MAP1B: variants seen among roughly 807,000 people sequenced by gnomAD.
MAP1B encodes the protein microtubule associated protein 1B, also known as microtubule-associated protein 1B.
Under a neutral mutation model 176.1 loss-of-function variants are expected in MAP1B, and 12 were observed. The observed-to-expected ratio is 0.07, with a 90% CI of 0.04 to 0.11. MAP1B has a LOEUF of 0.11. Ranked by LOEUF, MAP1B falls within the 10% of genes least tolerant of loss-of-function variation. The probability of loss-of-function intolerance (pLI) is 1.00; values close to 1 mark genes in which losing one functional copy is unlikely to be tolerated. For missense variants in MAP1B, 2,523 were observed against 2,990.5 expected (o/e 0.84, Z 3.65); for synonymous variants, 1,044 against 1,135.0 (o/e 0.92, Z 1.61).
intron 4 of MAP1B, among the ~76,000 whole-genome samples, chr5:72,191,040 C>T (rs1004297734): frequency 6.6e-6 from 1 of 152,202 alleles, no homozygotes. Context: ...CTCCTTGTTG[C>T]ATCTGTCATC....
chr5:72,138,094 A>G (rs1745869557), intron 2 of MAP1B, among the ~76,000 whole-genome samples: 1 of 152,230 alleles, frequency 6.6e-6, no homozygotes, highest in African/African-American at 2.4e-5. Flanking sequence ...ACTTGCCCCA[A>G]ATATAAAAGT....
Position 72,196,259 on chromosome 5 carries a change from G to A in MAP1B, c.2904G>A (p.Lys968=), listed in dbSNP as rs373529318. 4 of 1,613,988 alleles carry A rather than the reference G, an allele frequency of 2.5e-6. No homozygotes were observed. The highest frequency in any genetic ancestry group is 2.2e-5 in the South Asian group (2 of 91,058). Residue 968 remains lysine (K), a synonymous_variant, in exon 5 of 7, where the codon AAG becomes AAA. Transcript: ENST00000296755. The surrounding 1 kb of genome is among the most constrained non-coding windows in gnomAD (Gnocchi z 5.3). ...GEEHVCVSAS[K]HSPTEDEESA... ...AACACGTATGTGTGAGCGCCTCCAA[G>A]CACAGCCCCACTGAGGATGAGGAAA...
intron 2 of MAP1B, among the ~76,000 whole-genome samples, chr5:72,183,227 A>G (rs1580012105): frequency 6.6e-6 from 1 of 152,028 alleles, no homozygotes; most frequent in African/African-American, 2.4e-5. Flanking sequence ...ATTAATGAAT[A>G]CTCCAACAGA....
At chr5:72,166,172 A>G (rs1369084402) in intron 2 of MAP1B, among the ~76,000 whole-genome samples, 1 of 152,210 alleles carries the variant, frequency 6.6e-6, no homozygotes, top group African/African-American at 2.4e-5. Flanking sequence ...CATCATGTAC[A>G]AGGTATATCC....
intron 2 of MAP1B, among the ~76,000 whole-genome samples, chr5:72,123,714 G>A (rs748363652): frequency 1.2e-4 from 19 of 152,108 alleles, no homozygotes; most frequent in Non-Finnish European, 1.2e-4. Context: ...TCGATCTCCT[G>A]ACCTCGTGAT....
chr5:72,108,284 C>A (rs888096148), intron 1 of MAP1B, among the ~76,000 whole-genome samples: 8 of 152,184 alleles, frequency 5.3e-5, no homozygotes, highest in Non-Finnish European at 1.5e-5. Context: ...CACGCCCGCT[C>A]CCCCCGCCCC....
chr5:72,204,469 A>C lies in MAP1B; in HGVS notation c.7252-615A>C, dbSNP rs1402589394. ...TTTATTTGTGGTTCTGTACAAAATT[A>C]CCTAGTAAATTGTGCTTGTATCATA... is the stretch of plus-strand genomic sequence containing the variant. On this transcript the variant is annotated intron_variant, in intron 6 of 6. Coordinates refer to ENST00000296755, the MANE Select transcript of MAP1B (RefSeq NM_005909.5). This position sits in a 1 kb window ranked among gnomAD's most constrained non-coding sequence, Gnocchi z 4.4. Among the ~76,000 whole-genome samples the C allele has an allele frequency of 3.9e-5, 6 of 152,230 alleles. No homozygotes were observed. The South Asian group carries it at 6.2e-4, about 16-fold the overall frequency.
At chr5:72,130,707 G>A (rs1352632999) in intron 2 of MAP1B, among the ~76,000 whole-genome samples, 1 of 152,206 alleles carries the variant, frequency 6.6e-6, no homozygotes, top group Non-Finnish European at 1.5e-5. Context: ...ACCGGGGGCA[G>A]AAAATCTGAG....
intron 5 of MAP1B, among the ~76,000 whole-genome samples, chr5:72,202,071 T>G (rs1258946715): frequency 6.6e-6 from 1 of 152,226 alleles, no homozygotes; most frequent in Non-Finnish European, 1.5e-5. Context: ...AAAGGCAAAG[T>G]AATAAGTGAA....
chr5:72,183,893 AAGGGCT>A (rs2112213201), intron 3 of MAP1B, 68 bp downstream of exon 3: 1 of 1,384,340 alleles, frequency 7.2e-7, no homozygotes, highest in East Asian at 2.3e-5. Context: ...AGTGGATTAG[AAGGGCT>A]GGGCAAATGG....
chr5:72,148,610 C>G (rs1013853523), intron 2 of MAP1B, among the ~76,000 whole-genome samples: 8 of 152,336 alleles, frequency 5.3e-5, no homozygotes, highest in African/African-American at 1.4e-4. Context: ...TTCTTCTGTT[C>G]ATCAGACTTG....
chr5:72,191,078 C>T (rs1028216012), intron 4 of MAP1B, among the ~76,000 whole-genome samples: 9 of 152,206 alleles, frequency 5.9e-5, no homozygotes, highest in Non-Finnish European at 1.0e-4. Context: ...GGGTAGCACT[C>T]AGTGTGGTTA....
intron 2 of MAP1B, among the ~76,000 whole-genome samples, chr5:72,170,070 A>C (rs1209470814): frequency 2.0e-5 from 3 of 152,228 alleles, no homozygotes; most frequent in African/African-American, 7.2e-5. Flanking sequence ...AACTGGCATG[A>C]ATATCTGATT....
At position 72,199,874 on chromosome 5, in the gene MAP1B, G is replaced by T. The variant is rs181405324; in HGVS notation, c.6519G>T (p.Thr2173=). Residue 2173 remains threonine, a synonymous_variant, in exon 5 of 7, where the codon ACG becomes ACT. Coordinates refer to ENST00000296755, the MANE Select transcript of MAP1B (RefSeq NM_005909.5). This position sits in a 1 kb window ranked among gnomAD's most constrained non-coding sequence, Gnocchi z 4.2. ...PPETEECPSI[T]ADANIDSEDE... The stretch of plus-strand genomic sequence containing the variant: ...AGACTGAAGAGTGCCCCTCCATCAC[G>T]GCCGATGCCAATATCGACTCTGAAG... 1 of 1,614,090 alleles carries T rather than the reference G, an allele frequency of 6.2e-7. No individual in the cohort carries two copies. The highest frequency in any genetic ancestry group is 1.7e-5 in the Admixed American group (1 of 60,010).
At chr5:72,108,250 G>A (rs1448438695) in intron 1 of MAP1B, among the ~76,000 whole-genome samples, 5 of 152,146 alleles carry the variant, frequency 3.3e-5, no homozygotes, top group Non-Finnish European at 7.3e-5. Context: ...TCTTTCCTCA[G>A]AATGACTAGG....
rs372722008 is a variant in MAP1B at position 72,196,960 on chromosome 5, C to T, written c.3605C>T (p.Ala1202Val). The change falls in exon 5 of 7, where the codon GCT becomes GTT. Residue 1202 changes from alanine (A) to valine (V), a missense_variant. By Grantham distance (64) the Ala-to-Val change is moderately conservative (BLOSUM62 0). Coordinates refer to ENST00000296755, the MANE Select transcript of MAP1B (RefSeq NM_005909.5). This position sits in a 1 kb window ranked among gnomAD's most constrained non-coding sequence, Gnocchi z 5.3. ...GCCACTGATGGCAAGGATTACAATG[C>T]TTCAGCCTCTACCATATCACCACCC... ...TDATDGKDYN[A>V]SASTISPPSS... 1.2e-6 allele frequency: 2 copies of T among 1,614,098 alleles called. No individual in the cohort carries two copies. The highest frequency in any genetic ancestry group is 2.7e-5 in the African/African-American group (2 of 74,942).
Position 72,194,510 on chromosome 5 carries a change from C to T in MAP1B, c.1155C>T (p.Leu385=), listed in dbSNP as rs772615663. 2.2e-5 allele frequency: 36 copies of T among 1,614,134 alleles called. 2 individuals carry two copies. The South Asian group carries it at 3.6e-4, about 16-fold the overall frequency. ...GCATAGAAGAAGCCTGCTTCACTCT[C>T]CAGTACCTAAACAAATTGTCCATGA... is the stretch of plus-strand genomic sequence containing the variant. ...KRSIEEACFT[L]QYLNKLSMKP... The change falls in exon 5 of 7, where the codon CTC becomes CTT. Residue 385 remains leucine (L), a synonymous_variant. Transcript: ENST00000296755. The surrounding 1 kb of genome is among the most constrained non-coding windows in gnomAD (Gnocchi z 7.2).
At chr5:72,145,368 T>A (rs1173728836) in intron 2 of MAP1B, among the ~76,000 whole-genome samples, 1 of 150,622 alleles carries the variant, frequency 6.6e-6, no homozygotes, top group African/African-American at 2.4e-5. Flanking sequence ...CAGCAACCCA[T>A]ATGCTTAAAA....
chr5:72,159,122 T>C lies in MAP1B; in HGVS notation c.287-24621T>C, dbSNP rs191494936. Among the ~76,000 whole-genome samples the C allele has an allele frequency of 1.2e-4, 19 of 152,264 alleles. No homozygotes were observed. The South Asian group carries it at 1.7e-3, about 13-fold the overall frequency. ...GTTGTAGGGCTGGGATTTGAACTTATGTTTGCCAGTCTCCAAAGCCTCTTT... is the reference window on the plus strand; with the variant it reads ...GTTGTAGGGCTGGGATTTGAACTTACGTTTGCCAGTCTCCAAAGCCTCTTT... On this transcript the variant is annotated intron_variant, in intron 2 of 6. Coordinates refer to ENST00000296755, the MANE Select transcript of MAP1B (RefSeq NM_005909.5).
Sources: gnomAD v4.1 joint callset for allele counts (sites outside exome capture counted in the v4.1 genomes callset) on GRCh38, gnomAD v4.1.1 for gene constraint, Gnocchi (gnomAD v3.1) non-coding constraint, MANE v1.5 for transcripts, NCBI Gene and HGNC (gene_info 2026-07-23, HGNC 2026-07-21) for gene names.